Variants in RAD51B observed in about 807,000 individuals in gnomAD.
RAD51B encodes the protein DNA repair protein RAD51 homolog 2.
RAD51B carries 38 observed loss-of-function variants against 42.2 expected under a neutral mutation model. The observed-to-expected ratio is 0.90, with a 90% confidence interval of 0.70 to 1.18. RAD51B has a LOEUF of 1.18. Ranked by LOEUF, RAD51B falls within the 50% of genes most tolerant of loss-of-function variation. RAD51B has a pLI of 0.00. For synonymous variants in RAD51B, 154 were observed against 145.2 expected (o/e 1.06, Z -0.43); for missense variants, 373 against 400.7 (o/e 0.93, Z 0.59).
At chr14:68,218,021 T>A (rs1008962019) in intron 7 of RAD51B, among the ~76,000 whole-genome samples, 4 of 152,236 alleles carry the variant, frequency 2.6e-5, no homozygotes, top group African/African-American at 4.8e-5. Flanking sequence ...AGTGGGGATA[T>A]AACTTTAATG....
chr14:68,163,830 A>G (rs761221915), intron 7 of RAD51B, among the ~76,000 whole-genome samples: 1 of 152,212 alleles, frequency 6.6e-6, no homozygotes, highest in Non-Finnish European at 1.5e-5. Flanking sequence ...CTGATCTTCA[A>G]ATCACCCAAG....
At chr14:67,879,703 G>A (rs951979098) in intron 5 of RAD51B, among the ~76,000 whole-genome samples, 7 of 152,186 alleles carry the variant, frequency 4.6e-5, no homozygotes, top group Non-Finnish European at 1.0e-4. Flanking sequence ...TCTCTTTAGT[G>A]TCTGACTTAA....
At chr14:67,876,522 C>CT (rs1198609166) in intron 5 of RAD51B, among the ~76,000 whole-genome samples, 1 of 152,170 alleles carries the variant, frequency 6.6e-6, no homozygotes, top group Non-Finnish European at 1.5e-5. Flanking sequence ...GAATTGGAAT[C>CT]TTTAAAGTGC....
chr14:68,018,630 C>A (rs546280135), intron 7 of RAD51B, among the ~76,000 whole-genome samples: 10 of 152,084 alleles, frequency 6.6e-5, no homozygotes, highest in Non-Finnish European at 1.2e-4. Flanking sequence ...CCTTGTTAAA[C>A]CATTAATTTG....
Position 68,116,844 on chromosome 14 carries a change from G to A in RAD51B, c.757-175040G>A, listed in dbSNP as rs530668335. Among the ~76,000 whole-genome samples the A allele has an allele frequency of 1.0e-3, 156 of 151,802 alleles. 2 individuals are homozygous for A. The highest frequency in any genetic ancestry group is 2.6e-3 in the Admixed American group (39 of 15,202). On this transcript the variant is annotated intron_variant, in intron 7 of 10. Transcript: ENST00000471583. ...AGAAAAGTTGGAATTTCTTCCTTGG[G>A]GAAATCTCAAATGTAGAGTTTTAAG...
intron 10 of RAD51B, among the ~76,000 whole-genome samples, chr14:68,484,359 CTTTTTTT>C (rs10665607): frequency 1.5e-4 from 20 of 130,180 alleles, no homozygotes; most frequent in Non-Finnish European, 2.2e-4. Flanking sequence ...CTTTCTTTTT[CTTTTTTT>C]TTTTTTTTTG....
intron 7 of RAD51B, among the ~76,000 whole-genome samples, chr14:68,215,960 A>G (rs1355459984): frequency 6.6e-6 from 1 of 152,198 alleles, no homozygotes; most frequent in Non-Finnish European, 1.5e-5. Context: ...CACCACCACC[A>G]GTAAATGCAG....
intron 11 of RAD51B, among the ~76,000 whole-genome samples, chr14:68,678,274 T>G (rs1349216413): frequency 2.6e-5 from 4 of 152,178 alleles, no homozygotes; most frequent in Non-Finnish European, 5.9e-5. Flanking sequence ...CTCAAGTCTT[T>G]GACAACACCC....
downstream of RAD51B, among the ~76,000 whole-genome samples, chr14:68,612,124 T>A (rs1891702359): frequency 6.6e-6 from 1 of 152,198 alleles, no homozygotes. Context: ...TAGCTGTTGC[T>A]CTTAAGGAGC....
At chr14:67,826,987 G>C (rs1165458351) in intron 3 of RAD51B, among the ~76,000 whole-genome samples, 1 of 152,116 alleles carries the variant, frequency 6.6e-6, no homozygotes, top group Non-Finnish European at 1.5e-5. Context: ...CCAAACAACA[G>C]ATATTTTCTT....
At chr14:67,962,461 T>C (rs1383957515) in intron 7 of RAD51B, among the ~76,000 whole-genome samples, 1 of 152,142 alleles carries the variant, frequency 6.6e-6, no homozygotes, top group Non-Finnish European at 1.5e-5. Context: ...AAGTTATCTA[T>C]AAGGAAGAAA....
intron 11 of RAD51B, among the ~76,000 whole-genome samples, chr14:68,672,963 A>G (rs1893190846): frequency 6.6e-6 from 1 of 152,216 alleles, no homozygotes; most frequent in Non-Finnish European, 1.5e-5. Flanking sequence ...AGTCCAGAAC[A>G]TTCTCTACTA....
chr14:67,952,015 C>A (rs1422660816), intron 7 of RAD51B, among the ~76,000 whole-genome samples: 1 of 145,102 alleles, frequency 6.9e-6, no homozygotes, highest in Non-Finnish European at 1.5e-5. Flanking sequence ...TTCGGTGGGA[C>A]AAATGAAGAC....
In RAD51B at chr14:68,617,817, G is replaced by A. The variant is rs906888526; in HGVS notation, c.1037-32964G>A. Among the ~76,000 whole-genome samples the A allele has an allele frequency of 1.2e-4, 18 of 152,272 alleles. No homozygotes were observed. The East Asian group carries it at 3.3e-3, about 28-fold the overall frequency. ...ATTTTGTTGTTTTCTAGTTTTGGTA[G>A]AGACAGGGTTTCACCATGTTGGCCA... On this transcript the variant is annotated intron_variant, in intron 10 of 11. Transcript: ENST00000488612.
At chr14:68,071,364 C>T (rs1291890189) in intron 7 of RAD51B, among the ~76,000 whole-genome samples, 1 of 152,106 alleles carries the variant, frequency 6.6e-6, no homozygotes, top group African/African-American at 2.4e-5. Context: ...GGGAATGCTT[C>T]TAGTTTTTGC....
chr14:68,023,954 T>C (rs2140355591), intron 7 of RAD51B, among the ~76,000 whole-genome samples: 1 of 152,340 alleles, frequency 6.6e-6, no homozygotes, highest in South Asian at 2.1e-4. Context: ...TTTCTGGGTT[T>C]TCTTCTAAGA....
chr14:68,456,923 C>CTTTTTTTTTTTTTTTTT (rs1176116647), intron 9 of RAD51B, among the ~76,000 whole-genome samples: 47 of 60,588 alleles, frequency 7.8e-4, no homozygotes, highest in Non-Finnish European at 1.0e-3. Context: ...TTTTTTTTTG[C>CTTTTTTTTTTTTTTTTT]TTTTTTTGAG....
At chr14:68,329,560 G>T (rs2139794790) in intron 8 of RAD51B, among the ~76,000 whole-genome samples, 1 of 152,268 alleles carries the variant, frequency 6.6e-6, no homozygotes, top group African/African-American at 2.4e-5. Flanking sequence ...CAATAATAGG[G>T]TGTATTACCA....
chr14:67,924,895 C>A (rs2044451695), intron 7 of RAD51B, among the ~76,000 whole-genome samples: 1 of 152,240 alleles, frequency 6.6e-6, no homozygotes, highest in Non-Finnish European at 1.5e-5. Context: ...TCATCAGAGA[C>A]AAGGCCAGTC....
Sources: allele counts gnomAD v4.1 joint callset (sites outside exome capture counted in the v4.1 genomes callset), GRCh38; gene constraint gnomAD v4.1.1; transcripts MANE v1.5; gene names NCBI Gene and HGNC (gene_info 2026-07-23, HGNC 2026-07-21).